PLCE1: variants seen among roughly 807,000 people sequenced by gnomAD.
PLCE1 encodes 1-phosphatidylinositol 4,5-bisphosphate phosphodiesterase epsilon-1.
A neutral mutation model predicts 242.8 loss-of-function variants in PLCE1; 119 were observed. The observed-to-expected ratio is 0.49, with a 90% CI of 0.42 to 0.57. The LOEUF is 0.57. Ranked by LOEUF, PLCE1 falls within the 20% of genes least tolerant of loss-of-function variation. The probability of loss-of-function intolerance (pLI) is 0.00; values close to 1 mark genes in which losing one functional copy is unlikely to be tolerated. For synonymous variants in PLCE1, 945 were observed against 1,017.4 expected (o/e 0.93, Z 1.35); for missense variants, 2,441 against 2,788.8 (o/e 0.88, Z 2.81).
At chr10:94,098,678 A>T (rs1001622810) in intron 2 of PLCE1, among the ~76,000 whole-genome samples, 2 of 152,138 alleles carry the variant, frequency 1.3e-5, no homozygotes, top group Non-Finnish European at 2.9e-5. Context: ...TTCTCTCTTT[A>T]TATACACTCT....
intron 2 of PLCE1, among the ~76,000 whole-genome samples, chr10:94,084,884 G>A (rs558478535): frequency 2.1e-4 from 32 of 152,286 alleles, no homozygotes; most frequent in African/African-American, 7.5e-4. Context: ...ACTGTATGTT[G>A]CTGTTTAATT....
At chr10:94,260,679 ATAT>A (rs1026630113) in intron 13 of PLCE1, among the ~76,000 whole-genome samples, 20 of 151,440 alleles carry the variant, frequency 1.3e-4, no homozygotes, top group African/African-American at 4.1e-4. Context: ...TTATTTTAAA[ATAT>A]TATTATTTTA....
intron 2 of PLCE1, 36 bp downstream of exon 2, chr10:94,032,288 A>C (rs569325153): frequency 7.5e-6 from 12 of 1,604,852 alleles, no homozygotes; most frequent in Non-Finnish European, 1.0e-5. Flanking sequence ...ATTTCTTTAA[A>C]CTTGCTTTTT....
chr10:94,031,070 T>G lies in PLCE1; in HGVS notation c.24T>G (p.Ala8=). ...AGATGACTTCTGAAGAAATGACAGC[T>G]TCTGTTCTCATACCTGTGACTCAGA... MTSEEMT[A]SVLIPVTQRK... Residue 8 remains alanine (A), a synonymous_variant, in exon 2 of 33, where the codon GCT becomes GCG. Transcript: ENST00000371380. 6.2e-7 allele frequency: 1 copy of G among 1,613,744 alleles called. No homozygotes were observed. Among genetic ancestry groups the G allele is most frequent in the South Asian group, 1.1e-5 (1 of 91,082 alleles).
At position 94,089,337 on chromosome 10, in the gene PLCE1, A is replaced by G. The variant is rs1015163809; in HGVS notation, c.1207-42837A>G. 5 of 1,613,280 alleles carry G rather than the reference A, an allele frequency of 3.1e-6. No homozygotes were observed. The African/African-American group carries it at 6.7e-5, about 22-fold the overall frequency. On this transcript the variant is annotated intron_variant, in intron 2 of 32. Coordinates refer to ENST00000371380, the MANE Select transcript of PLCE1 (RefSeq NM_016341.4). ...CTGAGGTACCCAATTTTACCTTGTTAAAGGATGGATGTGGATGCTGGAGGC... is the reference window on the plus strand; with the variant it reads ...CTGAGGTACCCAATTTTACCTTGTTGAAGGATGGATGTGGATGCTGGAGGC...
At chr10:94,027,830 A>AATAC (rs2061481722) in intron 1 of PLCE1, among the ~76,000 whole-genome samples, 1 of 151,748 alleles carries the variant, frequency 6.6e-6, no homozygotes, top group African/African-American at 2.4e-5. Context: ...AAAATAAATA[A>AATAC]ATAAATAAAT....
In PLCE1 at chr10:94,252,300, T is replaced by C. The variant is rs1589422084; in HGVS notation, c.3097-16T>C. 1 of 1,612,486 alleles carries C rather than the reference T, an allele frequency of 6.2e-7. No individual in the cohort carries two copies. The highest frequency in any genetic ancestry group is 1.3e-5 in the African/African-American group (1 of 74,880). ...TTGATGCTTCCTATTGTGTTCACCA[T>C]GTGGCTCTTTCACAGGAGGATGGAC... On this transcript the variant is annotated splice_polypyrimidine_tract_variant and intron_variant, in intron 8 of 32. Coordinates refer to ENST00000371380, the MANE Select transcript of PLCE1 (RefSeq NM_016341.4).
chr10:94,063,323 T>A (rs187545238), intron 2 of PLCE1, among the ~76,000 whole-genome samples: 1 of 152,306 alleles, frequency 6.6e-6, no homozygotes, highest in African/African-American at 2.4e-5. Flanking sequence ...TGAGAGTGGA[T>A]GATTGAACTG....
chr10:94,207,208 G>C (rs2049183756), intron 4 of PLCE1, among the ~76,000 whole-genome samples: 1 of 152,152 alleles, frequency 6.6e-6, no homozygotes, highest in Non-Finnish European at 1.5e-5. Context: ...CACGTCAGGA[G>C]CGTGCCCCCA....
chr10:94,204,704 G>A (rs146442921), intron 4 of PLCE1, among the ~76,000 whole-genome samples: 30 of 148,726 alleles, frequency 2.0e-4, no homozygotes, highest in African/African-American at 7.2e-4. Context: ...AGAAAGAAAG[G>A]AAGGAAGAAA....
chr10:94,163,146 G>A (rs1463676614), intron 3 of PLCE1, among the ~76,000 whole-genome samples: 1 of 152,182 alleles, frequency 6.6e-6, no homozygotes, highest in Non-Finnish European at 1.5e-5. Context: ...ATTTGGGGTG[G>A]AGAGTTTTGT....
chr10:94,253,753 C>T (rs1028739219), intron 9 of PLCE1, among the ~76,000 whole-genome samples: 1 of 152,200 alleles, frequency 6.6e-6, no homozygotes, highest in Admixed American at 6.5e-5. Flanking sequence ...GATCCACCCC[C>T]ATGATCCAAA....
chr10:94,244,485 G>A (rs1039830408), intron 7 of PLCE1, among the ~76,000 whole-genome samples: 6 of 152,160 alleles, frequency 3.9e-5, no homozygotes, highest in African/African-American at 1.2e-4. Context: ...AGAAGCAATC[G>A]CTTGCCTTCA....
intron 19 of PLCE1, 110 bp downstream of exon 19, chr10:94,273,830 C>T (rs2051839741): frequency 2.0e-6 from 2 of 1,001,406 alleles, no homozygotes; most frequent in African/African-American, 3.2e-5. Flanking sequence ...TTTTTCAAGA[C>T]TGACTTTCCT....
At chr10:94,039,360 A>G (rs894439567) in intron 2 of PLCE1, among the ~76,000 whole-genome samples, 1 of 152,084 alleles carries the variant, frequency 6.6e-6, no homozygotes, top group Admixed American at 6.5e-5. Flanking sequence ...AGCAATGCAA[A>G]AGGGTTCTAG....
intron 4 of PLCE1, 40 bp downstream of exon 4, chr10:94,171,536 C>A: frequency 6.7e-7 from 1 of 1,502,648 alleles, no homozygotes; most frequent in African/African-American, 1.4e-5. Flanking sequence ...TTTGACTCAC[C>A]CGTAAGTGAT....
chr10:94,013,978 G>A (rs1196298428), intron 1 of PLCE1, among the ~76,000 whole-genome samples: 3 of 152,080 alleles, frequency 2.0e-5, no homozygotes, highest in East Asian at 1.9e-4. Flanking sequence ...TTAGGGACTG[G>A]ACATTGGTTT....
At chr10:94,026,330 T>G (rs907535558) in intron 1 of PLCE1, among the ~76,000 whole-genome samples, 8 of 152,208 alleles carry the variant, frequency 5.3e-5, no homozygotes, top group African/African-American at 1.7e-4. Flanking sequence ...AGATTGGACA[T>G]ACTATCTTGA....
intron 3 of PLCE1, among the ~76,000 whole-genome samples, chr10:94,158,293 A>G (rs2047495669): frequency 6.6e-6 from 1 of 152,066 alleles, no homozygotes; most frequent in Non-Finnish European, 1.5e-5. Context: ...TGTCACCAAA[A>G]ACACTCCAGA....
Sources: allele counts gnomAD v4.1 joint callset (sites outside exome capture counted in the v4.1 genomes callset), GRCh38; gene constraint gnomAD v4.1.1; transcripts MANE v1.5; gene names NCBI Gene and HGNC (gene_info 2026-07-23, HGNC 2026-07-21).